Variants in AGBL3 observed in about 807,000 individuals in gnomAD.
The protein encoded by AGBL3 is cytosolic carboxypeptidase 3.
A neutral mutation model predicts 94.5 loss-of-function variants in AGBL3; 68 were observed. That is an observed-to-expected ratio of 0.72 (90% CI 0.59 to 0.88). The LOEUF (loss-of-function observed/expected upper bound fraction) is 0.88, where lower values mean the gene tolerates loss of function less well. AGBL3 is among the 40% of genes least tolerant of loss of function. AGBL3 has a pLI of 0.00. For synonymous variants in AGBL3, 354 were observed against 370.7 expected (o/e 0.95, Z 0.52); for missense variants, 934 against 1,103.8 (o/e 0.85, Z 2.18).
chr7:135,081,579 G>A (rs1820927592), intron 14 of AGBL3, 140 bp from the exon 15 acceptor site: 2 of 481,142 alleles, frequency 4.2e-6, no homozygotes, highest in Admixed American at 7.5e-5. Flanking sequence ...TTTGAAGACT[G>A]CTTATTTTAA....
chr7:135,060,691 C>A (rs1818755258), intron 12 of AGBL3, among the ~76,000 whole-genome samples: 1 of 152,136 alleles, frequency 6.6e-6, no homozygotes, highest in Non-Finnish European at 1.5e-5. Context: ...AACGCAATGT[C>A]CTCCACGTTC....
chr7:135,098,473 C>G (rs1823260398), intron 15 of AGBL3, among the ~76,000 whole-genome samples: 1 of 152,092 alleles, frequency 6.6e-6, no homozygotes, highest in Non-Finnish European at 1.5e-5. Context: ...GCATTTTTTT[C>G]CTAAATATTT....
chr7:135,120,073 G>T (rs188780677), intron 16 of AGBL3, among the ~76,000 whole-genome samples: 77 of 152,144 alleles, frequency 5.1e-4, no homozygotes, highest in African/African-American at 1.7e-3. Flanking sequence ...TCAGATAAAA[G>T]AAAATGAAGA....
intron 4 of AGBL3, among the ~76,000 whole-genome samples, chr7:135,003,789 A>G (rs761655690): frequency 1.3e-5 from 2 of 151,442 alleles, no homozygotes; most frequent in Non-Finnish European, 3.0e-5. Context: ...TAACTTGTTT[A>G]CATACAGGAA....
At chr7:135,076,501 T>G in intron 13 of AGBL3, 33 bp downstream of exon 13, 1 of 1,452,552 alleles carries the variant, frequency 6.9e-7, no homozygotes, top group Non-Finnish European at 9.4e-7. Context: ...ATTAAGGTTT[T>G]TTTAAATGAA....
intron 11 of AGBL3, among the ~76,000 whole-genome samples, chr7:135,058,289 A>C (rs188119948): frequency 6.6e-6 from 1 of 152,138 alleles, no homozygotes; most frequent in African/African-American, 2.4e-5. Context: ...TTAAAATAAT[A>C]CATAAAAAAT....
intron 16 of AGBL3, among the ~76,000 whole-genome samples, chr7:135,119,089 A>G (rs1826746113): frequency 1.3e-5 from 2 of 152,212 alleles, no homozygotes; most frequent in Non-Finnish European, 2.9e-5. Context: ...GAGAATGAAT[A>G]TAGGGCTGAA....
At chr7:135,024,597 T>C (rs1814885639) in intron 5 of AGBL3, among the ~76,000 whole-genome samples, 1 of 152,138 alleles carries the variant, frequency 6.6e-6, no homozygotes, top group Non-Finnish European at 1.5e-5. Context: ...GAGTGTCCCT[T>C]TACCTCCAAA....
intron 16 of AGBL3, among the ~76,000 whole-genome samples, chr7:135,117,641 A>G (rs1826515328): frequency 6.6e-6 from 1 of 152,240 alleles, no homozygotes; most frequent in South Asian, 2.1e-4. Flanking sequence ...TGTAAGAAAA[A>G]CAACAACAAC....
chr7:135,114,372 G>GT (rs1175209719), intron 15 of AGBL3, among the ~76,000 whole-genome samples: 1 of 151,934 alleles, frequency 6.6e-6, no homozygotes, highest in Non-Finnish European at 1.5e-5. Flanking sequence ...TTTTCTGGAG[G>GT]TTTTTTTTGA....
chr7:135,034,800 C>A lies in AGBL3; in HGVS notation c.1209C>A (p.Leu403=), dbSNP rs9656447. The change falls in exon 7 of 17, where the codon CTC becomes CTA. Residue 403 remains leucine, a synonymous_variant. Transcript: ENST00000436302. ...TTGTCTTCAAGGTGGTACCCATGCT[C>A]AATCCAGATGGTGTGATTGTGGGAA... ...DTFVFKVVPM[L]NPDGVIVGNY... 6.4e-7 allele frequency: 1 copy of A among 1,552,340 alleles called. No homozygotes were observed. The highest frequency in any genetic ancestry group is 8.7e-7 in the Non-Finnish European group (1 of 1,147,376).
chr7:135,062,746 C>A (rs1422239551), intron 12 of AGBL3, among the ~76,000 whole-genome samples: 2 of 151,996 alleles, frequency 1.3e-5, no homozygotes, highest in East Asian at 3.8e-4. Flanking sequence ...TTTTATTGTG[C>A]TGCTAGATTT....
At position 135,093,219 on chromosome 7, in the gene AGBL3, A is replaced by C. The variant is rs1585063620; in HGVS notation, c.2110+11429A>C. On this transcript the variant is annotated intron_variant, in intron 15 of 16. Transcript: ENST00000436302. ...GGCAAGAAAAAAAAAAAGGCATCCA[A>C]ATTAGAAAGAAAAAAGCGAAGCCAT... 2.6e-5 allele frequency: 4 copies of C among 152,050 alleles called. No individual in the cohort carries two copies. The South Asian group carries it at 6.2e-4, about 24-fold the overall frequency. The allele number at this position is 152,050 out of a possible 1,614,324, so 9.4% of individuals were successfully genotyped here. A position where few individuals can be genotyped will look rare whatever the true frequency, so the allele number is the denominator to read the frequency against.
At chr7:135,130,297 T>G (rs531550600) in intron 16 of AGBL3, among the ~76,000 whole-genome samples, 1 of 152,220 alleles carries the variant, frequency 6.6e-6, no homozygotes, top group Non-Finnish European at 1.5e-5. Flanking sequence ...TTATAATAAT[T>G]TAAAAATATG....
chr7:135,024,872 C>T (rs1024621599), intron 5 of AGBL3, among the ~76,000 whole-genome samples: 1 of 151,696 alleles, frequency 6.6e-6, no homozygotes, highest in East Asian at 2.0e-4. Context: ...CAGACTAGAC[C>T]AAGCTGAAGA....
At chr7:135,071,981 T>C (rs1819956689) in intron 12 of AGBL3, among the ~76,000 whole-genome samples, 3 of 151,994 alleles carry the variant, frequency 2.0e-5, no homozygotes, top group Non-Finnish European at 4.4e-5. Flanking sequence ...AGGCAACCTA[T>C]AGAATGGGAG....
In AGBL3 at chr7:134,989,112, A is replaced by G. The variant is rs1452884987; in HGVS notation, c.64-138A>G. On this transcript the variant is annotated intron_variant, in intron 2 of 16. Transcript: ENST00000436302. ...GGGTGCATTGAGACCAGTAGCTGAT[A>G]ATAATCCTTTAATTTTCTCGTTTAT... The G allele has an allele frequency of 1.3e-5, 8 of 606,398 alleles. No homozygotes were observed. In the Admixed American group the frequency reaches 2.2e-4, roughly 17 times the overall value. The allele number at this position is 606,398 out of a possible 1,614,324, so 37.6% of individuals were successfully genotyped here. A position where few individuals can be genotyped will look rare whatever the true frequency, so the allele number is the denominator to read the frequency against.
At chr7:135,104,968 T>C (rs1824437471) in intron 15 of AGBL3, among the ~76,000 whole-genome samples, 2 of 152,260 alleles carry the variant, frequency 1.3e-5, no homozygotes, top group Middle Eastern at 3.4e-3. Context: ...TTGTGATTGC[T>C]TTTGGTGTCC....
At chr7:135,049,387 T>C (rs898537566) in intron 11 of AGBL3, among the ~76,000 whole-genome samples, 1 of 152,010 alleles carries the variant, frequency 6.6e-6, no homozygotes, top group African/African-American at 2.4e-5. Flanking sequence ...TGGCTTCCTT[T>C]TCTTCTGGTA....
Sources: gnomAD v4.1 joint callset for allele counts (sites outside exome capture counted in the v4.1 genomes callset) on GRCh38, gnomAD v4.1.1 for gene constraint, MANE v1.5 for transcripts, NCBI Gene and HGNC (gene_info 2026-07-23, HGNC 2026-07-21) for gene names.